The following PCDHGB6 variants were observed in gnomAD, a reference collection of about 807,000 sequenced individuals.
The protein encoded by PCDHGB6 is protocadherin gamma-B6.
PCDHGB6 carries 51 observed loss-of-function variants against 59.1 expected under a neutral mutation model. The observed-to-expected ratio is 0.86, with a 90% CI of 0.69 to 1.09. The LOEUF is 1.09. Ranked by LOEUF, PCDHGB6 falls within the 50% of genes least tolerant of loss-of-function variation. PCDHGB6 has a pLI of 0.00. For synonymous variants in PCDHGB6, 466 were observed against 495.1 expected (o/e 0.94, Z 0.78); for missense variants, 1,148 against 1,205.1 (o/e 0.95, Z 0.70).
intron 1 of PCDHGB6, chr5:141,418,363 C>T (rs147423305): frequency 4.4e-4 from 703 of 1,613,984 alleles, no homozygotes; most frequent in Non-Finnish European, 5.5e-4. Flanking sequence ...ATTCGCTGAG[C>T]AAATACCAAC....
intron 1 of PCDHGB6, chr5:141,411,426 A>T (rs115154023): frequency 6.6e-6 from 1 of 151,648 alleles, no homozygotes; most frequent in Non-Finnish European, 1.5e-5. Flanking sequence ...ACAACAACAA[A>T]AAAAAACATT....
chr5:141,483,456 G>T (rs2099581503), intron 1 of PCDHGB6, among the ~76,000 whole-genome samples: 1 of 152,180 alleles, frequency 6.6e-6, no homozygotes, highest in Admixed American at 6.5e-5. Context: ...ATCAGGACTT[G>T]TTGATTGACA....
intron 2 of PCDHGB6, 57 bp downstream of exon 2, chr5:141,494,922 C>G: frequency 6.2e-7 from 1 of 1,613,670 alleles, no homozygotes; most frequent in Admixed American, 1.7e-5. Context: ...TCAGGGATGA[C>G]GTGGGAGGAG....
Position 141,486,200 on chromosome 5 carries a change from G to A in PCDHGB6, c.2419-8607G>A, listed in dbSNP as rs764874531. The stretch of plus-strand genomic sequence containing the variant: ...CAGCCTTCGAGTGGATCTGCTGGAC[G>A]TAAATGACAATGCCCCTTACATCAC... On this transcript the variant is annotated intron_variant, in intron 1 of 3. Transcript: ENST00000520790. The surrounding 1 kb of genome is among the most constrained non-coding windows in gnomAD (Gnocchi z 5.0). The A allele has an allele frequency of 2.0e-5, 32 of 1,614,096 alleles. No homozygotes were observed. Among genetic ancestry groups the A allele is most frequent in the Non-Finnish European group, 2.3e-5 (27 of 1,180,040 alleles).
In PCDHGB6 at chr5:141,408,342, TG is replaced by T; in HGVS notation, c.144del (p.Asn49ThrfsTer6). ...GAGGAGCTGGCCAAGGGCTCGGTGG[TG>T]GGGAACCTCGCTAAGGATCTAGGGC... is the stretch of plus-strand genomic sequence containing the variant. ...IPEELAKGSVVGNLAKDLGLS... is the reference protein window; with the variant it reads ...IPEELAKGSVXGNLAKDLGLS... On this transcript the variant is annotated frameshift_variant, in exon 1 of 4. Coordinates refer to ENST00000520790, the MANE Select transcript of PCDHGB6 (RefSeq NM_018926.3). LOFTEE classifies it high-confidence loss of function. The T allele has an allele frequency of 6.2e-7, 1 of 1,613,856 alleles. No individual in the cohort carries two copies. Among genetic ancestry groups the T allele is most frequent in the Non-Finnish European group, 8.5e-7 (1 of 1,179,772 alleles).
rs768559201 is a variant in PCDHGB6, at chr5:141,431,344, G to A, written c.2418+20724G>A. Reference sequence around the variant, plus strand: ...ACGGTAGTAAGTACCCCGAATTGGTGCTGAAACGCGCCCTGGACCGCGAAG... The same window carrying A: ...ACGGTAGTAAGTACCCCGAATTGGTACTGAAACGCGCCCTGGACCGCGAAG... On this transcript the variant is annotated intron_variant, in intron 1 of 3. Coordinates refer to ENST00000520790, the MANE Select transcript of PCDHGB6 (RefSeq NM_018926.3). The surrounding 1 kb of genome is among the most constrained non-coding windows in gnomAD (Gnocchi z 4.8). 3.9e-5 allele frequency: 63 copies of A among 1,614,078 alleles called. No homozygotes were observed. Among genetic ancestry groups the A allele is most frequent in the Non-Finnish European group, 5.0e-5 (59 of 1,180,044 alleles).
intron 1 of PCDHGB6, chr5:141,428,630 C>T: frequency 5.4e-6 from 1 of 185,692 alleles, no homozygotes; most frequent in Non-Finnish European, 1.1e-5. Context: ...AGCTCTAACT[C>T]TGTTGCTCCT....
rs763840734 is a variant in PCDHGB6, at chr5:141,428,113, T to C, written c.2418+17493T>C. The stretch of plus-strand genomic sequence containing the variant: ...CTGTCCTACCACGTGCTGCAGGCCA[T>C]CGAGCCCGGGCTTTTCAGCCTGGGG... On this transcript the variant is annotated intron_variant, in intron 1 of 3. Transcript: ENST00000520790. 1.0e-5 allele frequency: 16 copies of C among 1,607,374 alleles called. No homozygotes were observed. In the African/African-American group the frequency reaches 1.9e-4, roughly 19 times the overall value.
chr5:141,495,752 C>G (rs1310125902), intron 2 of PCDHGB6, among the ~76,000 whole-genome samples: 1 of 152,150 alleles, frequency 6.6e-6, no homozygotes, highest in Non-Finnish European at 1.5e-5. Flanking sequence ...TTCTCTATCT[C>G]TGCCTCCCTG....
chr5:141,483,648 T>TTG (rs111458813), intron 1 of PCDHGB6, among the ~76,000 whole-genome samples: 1,883 of 149,700 alleles, frequency 0.013, 19 homozygotes, highest in African/African-American at 0.023. Flanking sequence ...GGGTGTGTGT[T>TTG]TGTGTGTGTG....
intron 1 of PCDHGB6, chr5:141,478,623 G>GT (rs1337268572): frequency 1.3e-5 from 20 of 1,554,356 alleles, no homozygotes; most frequent in Admixed American, 3.9e-5. Flanking sequence ...GAATGGAGCT[G>GT]TTTTTTTAGT....
In PCDHGB6 at chr5:141,486,270, G is replaced by A. The variant is rs1052584402; in HGVS notation, c.2419-8537G>A. 2 of 1,614,062 alleles carry A rather than the reference G, an allele frequency of 1.2e-6. No homozygotes were observed. Reference sequence around the variant, plus strand: ...ACCCTCCCCGAGAGTGCAGAACCTGGCACTGTGGTGGCACTTATCAGTGTG... The same window carrying A: ...ACCCTCCCCGAGAGTGCAGAACCTGACACTGTGGTGGCACTTATCAGTGTG... On this transcript the variant is annotated intron_variant, in intron 1 of 3. Coordinates refer to ENST00000520790, the MANE Select transcript of PCDHGB6 (RefSeq NM_018926.3). This position sits in a 1 kb window ranked among gnomAD's most constrained non-coding sequence, Gnocchi z 5.0.
Position 141,409,759 on chromosome 5 carries a change from C to A in PCDHGB6, c.1557C>A (p.Ala519=). 1 of 1,612,958 alleles carries A rather than the reference C, an allele frequency of 6.2e-7. No individual in the cohort carries two copies. Among genetic ancestry groups the A allele is most frequent in the Non-Finnish European group, 8.5e-7 (1 of 1,179,840 alleles). The change falls in exon 1 of 4, where the codon GCC becomes GCA. Residue 519 remains alanine (A), a synonymous_variant. Transcript: ENST00000520790. ...AQSGVVFAQR[A]FDHEQLRAFA... The stretch of plus-strand genomic sequence containing the variant: ...GCGGGGTGGTGTTCGCGCAGCGCGC[C>A]TTTGATCACGAGCAGCTGCGCGCCT...
At chr5:141,439,432 A>C (rs537630916) in intron 1 of PCDHGB6, among the ~76,000 whole-genome samples, 1 of 152,326 alleles carries the variant, frequency 6.6e-6, no homozygotes, top group African/African-American at 2.4e-5. Flanking sequence ...AATTCCCAGG[A>C]ATATTTTATT....
intron 1 of PCDHGB6, chr5:141,427,830 C>T (rs749612858): frequency 7.8e-6 from 12 of 1,538,204 alleles, no homozygotes; most frequent in African/African-American, 1.4e-5. Flanking sequence ...GGTCGCGCAG[C>T]GTGCCTTCGA....
In PCDHGB6 at chr5:141,490,294, T is replaced by C. The variant is rs766906839; in HGVS notation, c.2419-4513T>C. ...CAATGACAATGCCCCAGAGGTGCTA[T>C]TGGCCTCTTTGGCCAACCCTGTCCT... On this transcript the variant is annotated intron_variant, in intron 1 of 3. Transcript: ENST00000520790. This position sits in a 1 kb window ranked among gnomAD's most constrained non-coding sequence, Gnocchi z 5.4. The C allele has an allele frequency of 5.6e-6, 9 of 1,614,104 alleles. No individual in the cohort carries two copies. The East Asian group carries it at 1.3e-4, about 24-fold the overall frequency.
intron 1 of PCDHGB6, chr5:141,423,365 T>A (rs1338039878): frequency 1.9e-6 from 3 of 1,614,096 alleles, no homozygotes; most frequent in South Asian, 1.1e-5. Context: ...ATCGTGCTGC[T>A]GGCACTCAGG....
chr5:141,428,200 G>A (rs1000165985), intron 1 of PCDHGB6: 3 of 1,363,858 alleles, frequency 2.2e-6, no homozygotes, highest in East Asian at 2.3e-5. Flanking sequence ...TCTCTGCGCC[G>A]CTACGCTTCA....
chr5:141,444,093 G>A (rs531514787), intron 1 of PCDHGB6, among the ~76,000 whole-genome samples: 1 of 147,730 alleles, frequency 6.8e-6, no homozygotes, highest in East Asian at 2.0e-4. Flanking sequence ...GTCTGCTAAG[G>A]ATTGGAAACC....
Sources: allele counts gnomAD v4.1 joint callset (sites outside exome capture counted in the v4.1 genomes callset), GRCh38; gene constraint gnomAD v4.1.1; non-coding constraint Gnocchi (gnomAD v3.1); transcripts MANE v1.5; gene names NCBI Gene and HGNC (gene_info 2026-07-23, HGNC 2026-07-21).